Variants in OSBPL10 observed in about 807,000 individuals in gnomAD.
OSBPL10 encodes the protein oxysterol-binding protein-related protein 10.
OSBPL10 carries 49 observed loss-of-function variants against 81.7 expected under a neutral mutation model. That is an observed-to-expected ratio of 0.60 (90% CI 0.48 to 0.76). The LOEUF is 0.76. OSBPL10 is among the 30% of genes least tolerant of loss of function. The pLI, the probability that OSBPL10 is intolerant of heterozygous loss-of-function variation, is 0.00. For synonymous variants in OSBPL10, 419 were observed against 383.6 expected, an observed-to-expected ratio of 1.09 and a Z score of -1.08; for missense variants, 923 against 987.8, an observed-to-expected ratio of 0.93 and a Z score of 0.88.
chr3:31,711,561 G>C (rs962634945), intron 6 of OSBPL10, among the ~76,000 whole-genome samples: 3 of 152,154 alleles, frequency 2.0e-5, no homozygotes, highest in African/African-American at 4.8e-5. Context: ...AGAAAGCATG[G>C]GAAACTTGAG....
intron 3 of OSBPL10, among the ~76,000 whole-genome samples, chr3:31,871,362 G>A (rs1198191833): frequency 2.6e-5 from 4 of 151,974 alleles, no homozygotes; most frequent in African/African-American, 7.3e-5. Flanking sequence ...CTGAGCCAGC[G>A]AGACTATGAA....
Position 31,830,233 on chromosome 3 carries a change from T to C in OSBPL10, c.538-2A>G. 1 of 1,610,608 alleles carries C rather than the reference T, an allele frequency of 6.2e-7. No homozygotes were observed. The highest frequency in any genetic ancestry group is 1.7e-4 in the Middle Eastern group (1 of 6,038). ...TCGGCTTCGGGAGCTTGGAGCACTC[T>C]AGAATAAGCAACAGGTGTCAAAACT... On this transcript the variant is annotated splice_acceptor_variant, in intron 3 of 11. Coordinates refer to ENST00000396556, the MANE Select transcript of OSBPL10 (RefSeq NM_017784.5). LOFTEE classifies it high-confidence loss of function.
chr3:31,733,286 C>A lies in OSBPL10; in HGVS notation c.1066G>T (p.Asp356Tyr), dbSNP rs143077394. The A allele has an allele frequency of 7.4e-6, 12 of 1,613,196 alleles. No homozygotes were observed. Among genetic ancestry groups the A allele is most frequent in the Non-Finnish European group, 8.5e-6 (10 of 1,179,868 alleles). Residue 356 changes from aspartate (D) to tyrosine (Y), a missense_variant, in exon 6 of 12, where the codon GAC (aspartate) becomes TAC (tyrosine). Around this residue, in one of 3 missense-constraint regions of OSBPL10, gnomAD observed 514 missense variants for 508.0 expected, o/e 1.01. Coordinates refer to ENST00000396556, the MANE Select transcript of OSBPL10 (RefSeq NM_017784.5). ...GGCTCTGGCTGTGAGGTTTGTTCGTCTTCAGCAGAGTTTGGTAAAATTGCC... is the reference window on the plus strand; with the variant it reads ...GGCTCTGGCTGTGAGGTTTGTTCGTATTCAGCAGAGTTTGGTAAAATTGCC... ...TWAILPNSAE[D>Y]EQTSQPEPEP...
At chr3:31,857,077 G>A (rs1240016304) in intron 3 of OSBPL10, among the ~76,000 whole-genome samples, 1 of 152,104 alleles carries the variant, frequency 6.6e-6, no homozygotes, top group Non-Finnish European at 1.5e-5. Context: ...TTTCATGTGG[G>A]CAGTACTAAC....
At chr3:32,009,871 G>A (rs1459110975) in intron 2 of OSBPL10, among the ~76,000 whole-genome samples, 3 of 152,180 alleles carry the variant, frequency 2.0e-5, no homozygotes, top group Admixed American at 1.3e-4. Context: ...TCATGTCTCT[G>A]CGAGTATTTC....
intron 1 of OSBPL10, among the ~76,000 whole-genome samples, chr3:31,888,926 G>T (rs950253255): frequency 7.3e-5 from 11 of 151,418 alleles, no homozygotes; most frequent in African/African-American, 2.7e-4. Context: ...TCCATCTCAG[G>T]AAAAAATAAT....
intron 8 of OSBPL10, among the ~76,000 whole-genome samples, chr3:31,677,130 C>T (rs1700499894): frequency 6.6e-6 from 1 of 152,106 alleles, no homozygotes. Flanking sequence ...ATTATTTACA[C>T]CCAATCAACA....
chr3:31,839,958 C>A (rs1485709153), intron 3 of OSBPL10, among the ~76,000 whole-genome samples: 2 of 87,380 alleles, frequency 2.3e-5, no homozygotes, highest in African/African-American at 6.3e-5. Flanking sequence ...TATTTGCATA[C>A]AATTTACTTA....
At chr3:31,884,785 G>A (rs957111079) in intron 1 of OSBPL10, among the ~76,000 whole-genome samples, 5 of 152,286 alleles carry the variant, frequency 3.3e-5, no homozygotes, top group Admixed American at 6.5e-5. Flanking sequence ...TAATTCCTAC[G>A]TTCTGGGGTT....
At chr3:31,806,181 G>T (rs1414392993) in intron 4 of OSBPL10, among the ~76,000 whole-genome samples, 2 of 152,138 alleles carry the variant, frequency 1.3e-5, no homozygotes, top group East Asian at 1.9e-4. Flanking sequence ...TGGATGCAGG[G>T]AAGGAGGACC....
At chr3:31,875,555 T>A (rs1383927065) in intron 3 of OSBPL10, among the ~76,000 whole-genome samples, 9 of 143,618 alleles carry the variant, frequency 6.3e-5, no homozygotes, top group Admixed American at 4.2e-4. Flanking sequence ...GATGTTTCTT[T>A]AAAAAAAAAA....
At position 31,940,614 on chromosome 3, in the gene OSBPL10, G is replaced by A. The variant is rs192241177; in HGVS notation, c.281+40285C>T. Among the ~76,000 whole-genome samples the A allele has an allele frequency of 1.6e-4, 25 of 152,072 alleles. No homozygotes were observed. In the South Asian group the frequency reaches 2.5e-3, roughly 15 times the overall value. On this transcript the variant is annotated intron_variant, in intron 1 of 11. Coordinates refer to ENST00000396556, the MANE Select transcript of OSBPL10 (RefSeq NM_017784.5). Reference sequence around the variant, plus strand: ...GTATGATTCTCTGTACTCCTTCTTCGTCACCTTCCTTCACAGGCTACCCTG... The same window carrying A: ...GTATGATTCTCTGTACTCCTTCTTCATCACCTTCCTTCACAGGCTACCCTG...
intron 4 of OSBPL10, among the ~76,000 whole-genome samples, chr3:31,790,937 A>G (rs1323619891): frequency 1.3e-5 from 2 of 152,162 alleles, no homozygotes; most frequent in Non-Finnish European, 2.9e-5. Flanking sequence ...TTCTCCCCCA[A>G]ATGTAAGCCA....
chr3:31,981,362 C>A (rs1698839659), upstream of OSBPL10: 12 of 1,082,616 alleles, frequency 1.1e-5, no homozygotes, highest in Middle Eastern at 3.5e-4. The surrounding 1 kb of genome is among the most constrained non-coding windows in gnomAD (Gnocchi z 4.5). Flanking sequence ...AGGAAGCCAA[C>A]GGGGCTGGAT....
intron 8 of OSBPL10, among the ~76,000 whole-genome samples, chr3:31,674,135 G>A (rs1007854869): frequency 6.6e-6 from 1 of 152,126 alleles, no homozygotes; most frequent in African/African-American, 2.4e-5. Flanking sequence ...TGGAGGTGGG[G>A]CCTAGTGAGA....
chr3:31,668,597 C>A, intron 10 of OSBPL10, 45 bp downstream of exon 10: 1 of 1,504,742 alleles, frequency 6.6e-7, no homozygotes, highest in Admixed American at 2.0e-5. Context: ...GAGTCAGGTG[C>A]CCAGCATGAC....
intron 4 of OSBPL10, chr3:31,794,965 T>C (rs1699148662): frequency 3.1e-6 from 1 of 320,960 alleles, no homozygotes; most frequent in Non-Finnish European, 6.4e-6. Context: ...AGTCCATGTG[T>C]CACAGGAGCC....
intron 1 of OSBPL10, among the ~76,000 whole-genome samples, chr3:32,059,825 T>C (rs1699741788): frequency 6.6e-6 from 1 of 151,054 alleles, no homozygotes; most frequent in Non-Finnish European, 1.5e-5. Flanking sequence ...GATGGGTGGA[T>C]TGATTGAGCC....
At chr3:31,703,628 T>C (rs1695966952) in intron 6 of OSBPL10, 1 of 152,218 alleles carries the variant, frequency 6.6e-6, no homozygotes, top group African/African-American at 2.4e-5. Context: ...ACACGGACCA[T>C]TCCTTTCCAA....
Sources: gnomAD v4.1 joint callset for allele counts (sites outside exome capture counted in the v4.1 genomes callset) on GRCh38, gnomAD v4.1.1 for gene constraint, gnomAD v4.1.1 regional missense constraint, Gnocchi (gnomAD v3.1) non-coding constraint, MANE v1.5 for transcripts, NCBI Gene and HGNC (gene_info 2026-07-23, HGNC 2026-07-21) for gene names.